The following AKAP8 variants were observed in gnomAD, a reference collection of about 807,000 sequenced individuals.
AKAP8 encodes the protein A-kinase anchoring protein 8.
Under a neutral mutation model 67.5 loss-of-function variants are expected in AKAP8, and 24 were observed. That is an observed-to-expected ratio of 0.36 (90% CI 0.26 to 0.50). AKAP8 has a LOEUF of 0.50. AKAP8 is among the 20% of genes least tolerant of loss of function. The pLI, the probability that AKAP8 is intolerant of heterozygous loss-of-function variation, is 0.97. For synonymous variants in AKAP8, 400 were observed against 371.1 expected (o/e 1.08, Z -0.90); for missense variants, 971 against 955.9 (o/e 1.02, Z -0.21).
At chr19:15,372,428 G>A in intron 5 of AKAP8, 81 bp from the exon 6 acceptor site, 4 of 1,564,212 alleles carry the variant, frequency 2.6e-6, no homozygotes, top group East Asian at 2.3e-5. Flanking sequence ...GAGGTTGTAG[G>A]ATCAGACAAC....
At chr19:15,378,657 T>C (rs1408376711) in intron 1 of AKAP8, among the ~76,000 whole-genome samples, 1 of 152,168 alleles carries the variant, frequency 6.6e-6, no homozygotes, top group Non-Finnish European at 1.5e-5. Flanking sequence ...TTTCTGGTGC[T>C]GGGATACTTT....
chr19:15,360,076 AG>A (rs1966941285), intron 12 of AKAP8, among the ~76,000 whole-genome samples: 2 of 151,998 alleles, frequency 1.3e-5, no homozygotes, highest in African/African-American at 4.8e-5. Context: ...CAGAAGTTGC[AG>A]TGAACTGAGA....
intron 2 of AKAP8, among the ~76,000 whole-genome samples, chr19:15,376,199 C>T (rs1056068705): frequency 4.6e-5 from 7 of 152,112 alleles, no homozygotes; most frequent in Non-Finnish European, 1.0e-4. Flanking sequence ...GGATTGCAGG[C>T]GTGTGCTGCC....
intron 9 of AKAP8, among the ~76,000 whole-genome samples, chr19:15,366,910 GTTTC>G (rs1426466974): frequency 1.3e-5 from 2 of 149,526 alleles, no homozygotes; most frequent in Non-Finnish European, 3.0e-5. Context: ...CCCCCAGCCC[GTTTC>G]TTTTTCTTTT....
At chr19:15,367,215 A>G (rs1185878442) in intron 9 of AKAP8, among the ~76,000 whole-genome samples, 1 of 152,160 alleles carries the variant, frequency 6.6e-6, no homozygotes, top group African/African-American at 2.4e-5. Flanking sequence ...CCCTTTTACT[A>G]AGCATTTCTT....
At position 15,361,811 on chromosome 19, in the gene AKAP8, T is replaced by C; in HGVS notation, c.1314A>G (p.Val438=). ...KTVEFLQEYI[V]NRNKKIEKRR... is the part of the protein sequence containing the mutation. ...GCTTCTCAATTTTCTTATTTCTGTT[T>C]ACAATGTATTCCTAGGTGGGATTGG... Residue 438 remains valine, a synonymous_variant, in exon 11 of 14, where the codon GTA becomes GTG. Transcript: ENST00000269701. 2 of 1,613,896 alleles carry C rather than the reference T, an allele frequency of 1.2e-6. No homozygotes were observed. The highest frequency in any genetic ancestry group is 1.7e-6 in the Non-Finnish European group (2 of 1,179,768).
intron 12 of AKAP8, among the ~76,000 whole-genome samples, chr19:15,359,431 A>G (rs1966928928): frequency 6.6e-6 from 1 of 152,248 alleles, no homozygotes; most frequent in Admixed American, 6.5e-5. Flanking sequence ...CAACAAAAGT[A>G]TGAATATGCT....
chr19:15,370,698 C>A (rs1470874977), intron 7 of AKAP8, among the ~76,000 whole-genome samples: 1 of 117,960 alleles, frequency 8.5e-6, no homozygotes, highest in East Asian at 3.1e-4. Flanking sequence ...ATGATGCAAT[C>A]TCAGCTCACT....
At chr19:15,366,609 G>A (rs1967075495) in intron 9 of AKAP8, among the ~76,000 whole-genome samples, 1 of 150,934 alleles carries the variant, frequency 6.6e-6, no homozygotes, top group African/African-American at 2.4e-5. Context: ...TCGGCTCACT[G>A]AGATGGAGTT....
At chr19:15,361,046 G>C in intron 11 of AKAP8, 68 bp from the exon 12 acceptor site, 5 of 1,554,464 alleles carry the variant, frequency 3.2e-6, no homozygotes, top group Non-Finnish European at 4.3e-6. Flanking sequence ...CTCCCCATCT[G>C]GGCCCACGTT....
At chr19:15,373,583 A>G in intron 4 of AKAP8, 1 of 918,504 alleles carries the variant, frequency 1.1e-6, no homozygotes, top group Non-Finnish European at 1.6e-6. Flanking sequence ...GAGCTTAGCC[A>G]ACAACCACGC....
rs887240306 is a variant in AKAP8, at chr19:15,372,496, G to C, written c.862-149C>G. ...AGACAACATAATTTGAAACTAAAAA[G>C]AAAATCATGCTGAGTGAAAAGAAGC... is the stretch of plus-strand genomic sequence containing the variant. On this transcript the variant is annotated intron_variant, in intron 5 of 13. Coordinates refer to ENST00000269701, the MANE Select transcript of AKAP8 (RefSeq NM_005858.4). 5 of 1,227,902 alleles carry C rather than the reference G, an allele frequency of 4.1e-6. No homozygotes were observed. In the African/African-American group the frequency reaches 7.7e-5, roughly 19 times the overall value. 76.1% of individuals were successfully genotyped at this position (1,227,902 alleles called of 1,614,324 possible). A position where few individuals can be genotyped will look rare whatever the true frequency, so the allele number is the denominator to read the frequency against.
At chr19:15,370,918 C>T (rs1967146061) in intron 7 of AKAP8, among the ~76,000 whole-genome samples, 1 of 152,132 alleles carries the variant, frequency 6.6e-6, no homozygotes, top group South Asian at 2.1e-4. Flanking sequence ...GTGTGAGCCA[C>T]CGCGCCAGGC....
chr19:15,366,144 A>AG (rs796448710), intron 9 of AKAP8, among the ~76,000 whole-genome samples: 14 of 92,994 alleles, frequency 1.5e-4, no homozygotes, highest in South Asian at 3.6e-4. Flanking sequence ...AGATGAAAAA[A>AG]AAGCAAAAAG....
chr19:15,370,625 C>CTTTTTTTTTTTTTTTTTTTTTTTTTT, intron 7 of AKAP8, among the ~76,000 whole-genome samples: 1 of 80,968 alleles, frequency 1.2e-5, no homozygotes, highest in Non-Finnish European at 2.2e-5. Context: ...TACCCAATGT[C>CTTTTTTTTTTTTTTTTTTTTTTTTTT]TTTTTTTTTT....
At chr19:15,368,539 A>G (rs1043230066) in intron 8 of AKAP8, 5 of 985,178 alleles carry the variant, frequency 5.1e-6, no homozygotes, top group Non-Finnish European at 3.6e-6. Flanking sequence ...AACTCCCCAC[A>G]TGGCCTGAGG....
chr19:15,367,135 G>A (rs576374065), intron 9 of AKAP8, among the ~76,000 whole-genome samples: 8 of 152,102 alleles, frequency 5.3e-5, no homozygotes, highest in Non-Finnish European at 8.8e-5. Context: ...TTGAACTCCC[G>A]GCCTCAAGCG....
intron 13 of AKAP8, among the ~76,000 whole-genome samples, chr19:15,356,965 TTTTC>T (rs1231149250): frequency 6.6e-6 from 1 of 151,980 alleles, no homozygotes; most frequent in Admixed American, 6.6e-5. Flanking sequence ...CCCATCTCTC[TTTTC>T]TTTTTTTGAG....
chr19:15,359,991 C>T (rs1966938606), intron 12 of AKAP8, among the ~76,000 whole-genome samples: 1 of 151,786 alleles, frequency 6.6e-6, no homozygotes, highest in Non-Finnish European at 1.5e-5. Context: ...AAAAATTAGC[C>T]GGGCATTGTG....
Sources: gnomAD v4.1 joint callset for allele counts (sites outside exome capture counted in the v4.1 genomes callset) on GRCh38, gnomAD v4.1.1 for gene constraint, MANE v1.5 for transcripts, NCBI Gene and HGNC (gene_info 2026-07-23, HGNC 2026-07-21) for gene names.